LYPD2: variants seen among roughly 807,000 people sequenced by gnomAD.
LYPD2 encodes the protein LY6/PLAUR domain containing 2.
Under a neutral mutation model 7.1 loss-of-function variants are expected in LYPD2, and 5 were observed. The observed-to-expected ratio is 0.70, with a 90% CI of 0.37 to 1.48. The LOEUF is 1.48. Ranked by LOEUF, LYPD2 falls within the 40% of genes most tolerant of loss-of-function variation. The pLI, the probability that LYPD2 is intolerant of heterozygous loss-of-function variation, is 0.03. For synonymous variants in LYPD2, 78 were observed against 82.0 expected (o/e 0.95, Z 0.26); for missense variants, 177 against 171.0 (o/e 1.04, Z -0.20).
chr8:142,750,182 G>T lies in LYPD2; in HGVS notation c.*101C>A. 2.0e-6 allele frequency: 2 copies of T among 1,012,794 alleles called. No individual in the cohort carries two copies. Among genetic ancestry groups the T allele is most frequent in the Non-Finnish European group, 1.5e-6 (1 of 680,518 alleles). The allele number at this position is 1,012,794 out of a possible 1,614,324, so 62.7% of individuals were successfully genotyped here. ...CGAGGTCAGAGATGCAGCAGGGCAG[G>T]TCTGTGCCCAGAAAGGAGACTCAGG... On this transcript the variant is annotated 3_prime_UTR_variant, in exon 3 of 3. Coordinates refer to ENST00000359228, the MANE Select transcript of LYPD2 (RefSeq NM_205545.3).
chr8:142,751,243 C>T, intron 1 of LYPD2, 73 bp from the exon 2 acceptor site: 1 of 1,585,596 alleles, frequency 6.3e-7, no homozygotes, highest in Non-Finnish European at 8.6e-7. Context: ...GTCCTGGAAG[C>T]CCAGGTCTGA....
At position 142,750,335 on chromosome 8, in the gene LYPD2, C is replaced by G; in HGVS notation, c.326G>C (p.Ser109Thr). The change falls in exon 3 of 3, where the codon AGC becomes ACC. Residue 109 changes from serine to threonine, a missense_variant. By Grantham distance (58) the Ser-to-Thr change is moderately conservative (BLOSUM62 1). Transcript: ENST00000359228. ...CNVDGAPALN[S>T]LHCGALTLLP... is the part of the protein sequence containing the mutation. ...GAGCGTGAGGGCCCCGCAGTGGAGG[C>G]TGTTCAGAGCGGGCGCCCCGTCTAC... The G allele has an allele frequency of 1.3e-6, 2 of 1,556,284 alleles. No individual in the cohort carries two copies. The highest frequency in any genetic ancestry group is 8.7e-7 in the Non-Finnish European group (1 of 1,149,910).
Position 142,750,323 on chromosome 8 carries a change from C to T in LYPD2, c.338G>A (p.Gly113Glu), listed in dbSNP as rs1450263737. The T allele has an allele frequency of 1.3e-6, 2 of 1,554,522 alleles. No homozygotes were observed. Among genetic ancestry groups the T allele is most frequent in the Non-Finnish European group, 1.7e-6 (2 of 1,149,020 alleles). Residue 113 changes from glycine to glutamate, a missense_variant, in exon 3 of 3, where the codon GGG becomes GAG. Transcript: ENST00000359228. ...CAAGAGTGGGAGGAGCGTGAGGGCC[C>T]CGCAGTGGAGGCTGTTCAGAGCGGG... ...GAPALNSLHC[G>E]ALTLLPLLSL... is the part of the protein sequence containing the mutation.
intron 1 of LYPD2, 139 bp downstream of exon 1, chr8:142,752,255 G>A: frequency 2.3e-6 from 2 of 869,350 alleles, no homozygotes; most frequent in Non-Finnish European, 3.5e-6. Context: ...TATGGCGGGG[G>A]GGCCACACCC....
Position 142,752,395 on chromosome 8 carries a change from CA to C in LYPD2, c.56del (p.Leu19ArgfsTer41), listed in dbSNP as rs1428018485. 11 of 1,613,400 alleles carry C rather than the reference CA, an allele frequency of 6.8e-6. No individual in the cohort carries two copies. In the Admixed American group the frequency reaches 1.2e-4, roughly 17 times the overall value. Reference protein sequence around the residue: ...LALVLAACGELAPALRCYVCP... With the variant: ...LALVLAACGEXAPALRCYVCP... Reference sequence around the variant, plus strand: ...TCCCCTGTGGGTCCCACACCTCACCCAGCTCTCCGCAGGCAGCCAGCACCAG... The same window carrying C: ...TCCCCTGTGGGTCCCACACCTCACCCGCTCTCCGCAGGCAGCCAGCACCAG... On this transcript the variant is annotated frameshift_variant and splice_region_variant, in exon 1 of 3. Coordinates refer to ENST00000359228, the MANE Select transcript of LYPD2 (RefSeq NM_205545.3). LOFTEE classifies it high-confidence loss of function.
Position 142,750,355 on chromosome 8 carries a change from G to A in LYPD2, c.306C>T (p.Asp102=), listed in dbSNP as rs138954713. The change falls in exon 3 of 3, where the codon GAC becomes GAT. Residue 102 remains aspartate, a synonymous_variant. Coordinates refer to ENST00000359228, the MANE Select transcript of LYPD2 (RefSeq NM_205545.3). ...SCCNTELCNV[D]GAPALNSLHC... ...GGAGGCTGTTCAGAGCGGGCGCCCC[G>A]TCTACATTGCACAGCTCAGTATTGC... The A allele has an allele frequency of 1.0e-3, 1,627 of 1,561,298 alleles. 1 individual carries two copies. The highest frequency in any genetic ancestry group is 1.3e-3 in the Non-Finnish European group (1,528 of 1,152,724).
Position 142,750,281 on chromosome 8 carries a change from C to A in LYPD2, c.*2G>T, listed in dbSNP as rs1380964404. ...ATAGGGCCATGGGGGTGGGCGGGGA[C>A]TCTACAGTCGGAGGCTCAAGAGTGG... On this transcript the variant is annotated 3_prime_UTR_variant, in exon 3 of 3. Coordinates refer to ENST00000359228, the MANE Select transcript of LYPD2 (RefSeq NM_205545.3). The A allele has an allele frequency of 6.4e-7, 1 of 1,550,958 alleles. No individual in the cohort carries two copies. Among genetic ancestry groups the A allele is most frequent in the Admixed American group, 2.0e-5 (1 of 51,046 alleles).
intron 1 of LYPD2, among the ~76,000 whole-genome samples, chr8:142,751,854 C>T (rs1814720979): frequency 6.6e-6 from 1 of 152,176 alleles, no homozygotes; most frequent in African/African-American, 2.4e-5. Flanking sequence ...GGCCTCTGCC[C>T]CTCTCTGGTG....
At chr8:142,751,420 A>G (rs1408116294) in intron 1 of LYPD2, among the ~76,000 whole-genome samples, 1 of 152,116 alleles carries the variant, frequency 6.6e-6, no homozygotes, top group South Asian at 2.1e-4. Context: ...GCCTGGGAGG[A>G]GCCAAGCCAA....
intron 1 of LYPD2, among the ~76,000 whole-genome samples, chr8:142,751,914 C>A (rs1224417974): frequency 6.6e-6 from 1 of 152,124 alleles, no homozygotes; most frequent in African/African-American, 2.4e-5. Flanking sequence ...GCCTCTGGGC[C>A]AAGCTGCTTC....
chr8:142,752,279 T>A (rs1205859901), intron 1 of LYPD2, 115 bp downstream of exon 1: 5 of 1,153,598 alleles, frequency 4.3e-6, no homozygotes, highest in Non-Finnish European at 4.9e-6. Flanking sequence ...GCCCCACAGC[T>A]CTGGCTTCTC....
At chr8:142,750,706 G>A (rs2130036473) in intron 2 of LYPD2, among the ~76,000 whole-genome samples, 1 of 152,370 alleles carries the variant, frequency 6.6e-6, no homozygotes, top group African/African-American at 2.4e-5. Context: ...GCCCCGAGGT[G>A]ACTGTTGAAA....
At chr8:142,751,803 C>T (rs1034173549) in intron 1 of LYPD2, among the ~76,000 whole-genome samples, 2 of 152,188 alleles carry the variant, frequency 1.3e-5, no homozygotes, top group Non-Finnish European at 2.9e-5. Flanking sequence ...AGCTGCACAG[C>T]TAGGCCCGAC....
At position 142,750,273 on chromosome 8, in the gene LYPD2, G is replaced by A. The variant is rs1164453963; in HGVS notation, c.*10C>T. ...TGGGCCGCATAGGGCCATGGGGGTG[G>A]GCGGGGACTCTACAGTCGGAGGCTC... On this transcript the variant is annotated 3_prime_UTR_variant, in exon 3 of 3. Transcript: ENST00000359228. 1.9e-6 allele frequency: 3 copies of A among 1,549,878 alleles called. No homozygotes were observed. The highest frequency in any genetic ancestry group is 1.4e-5 in the African/African-American group (1 of 73,050).
At position 142,750,339 on chromosome 8, in the gene LYPD2, T is replaced by C. The variant is rs1305074796; in HGVS notation, c.322A>G (p.Asn108Asp). 4 of 1,556,704 alleles carry C rather than the reference T, an allele frequency of 2.6e-6. No individual in the cohort carries two copies. The highest frequency in any genetic ancestry group is 3.5e-6 in the Non-Finnish European group (4 of 1,150,264). Residue 108 changes from asparagine to aspartate, a missense_variant, in exon 3 of 3, where the codon AAC becomes GAC. Coordinates refer to ENST00000359228, the MANE Select transcript of LYPD2 (RefSeq NM_205545.3). ...GTGAGGGCCCCGCAGTGGAGGCTGTTCAGAGCGGGCGCCCCGTCTACATTG... is the reference window on the plus strand; with the variant it reads ...GTGAGGGCCCCGCAGTGGAGGCTGTCCAGAGCGGGCGCCCCGTCTACATTG... ...LCNVDGAPALNSLHCGALTLL... is the reference protein window; with the variant it reads ...LCNVDGAPALDSLHCGALTLL...
Position 142,752,485 on chromosome 8 carries a change from G to C in LYPD2, c.-34C>G, listed in dbSNP as rs1359821625. 2.5e-6 allele frequency: 4 copies of C among 1,610,786 alleles called. No homozygotes were observed. Among genetic ancestry groups the C allele is most frequent in the Non-Finnish European group, 3.4e-6 (4 of 1,178,082 alleles). On this transcript the variant is annotated 5_prime_UTR_variant, in exon 1 of 3. Transcript: ENST00000359228. ...CCCACTCCTCTGTGCTCTCACCCCA[G>C]GCTTGCCTGGCGGGGACAGCAGACA...
rs1439597853 is a variant in LYPD2, at chr8:142,750,450, T to C, written c.211A>G (p.Lys71Glu). The C allele has an allele frequency of 4.4e-6, 7 of 1,589,120 alleles. No individual in the cohort carries two copies. The highest frequency in any genetic ancestry group is 1.8e-5 in the Admixed American group (1 of 56,752). The change falls in exon 3 of 3, where the codon AAG becomes GAG. Residue 71 changes from lysine (K) to glutamate (E), a missense_variant. Physicochemically the swap from Lys to Glu is moderately conservative, Grantham distance 56 (BLOSUM62 1). Coordinates refer to ENST00000359228, the MANE Select transcript of LYPD2 (RefSeq NM_205545.3). The part of the protein sequence containing the change: ...YPFQGDSTVT[K>E]SCASKCKPSD... ...GGCTTACACTTGCTGGCACAGGACT[T>C]GGTCACCGTGGAGTCCCCCTGGAAG...
At chr8:142,750,573 T>C in intron 2 of LYPD2, 91 bp from the exon 3 acceptor site, 1 of 1,281,532 alleles carries the variant, frequency 7.8e-7, no homozygotes, top group Non-Finnish European at 1.1e-6. Flanking sequence ...GGCCCCACTC[T>C]GGGGTCACCC....
intron 1 of LYPD2, 110 bp downstream of exon 1, chr8:142,752,284 C>T: frequency 7.7e-7 from 1 of 1,290,804 alleles, no homozygotes; most frequent in Non-Finnish European, 1.1e-6. Flanking sequence ...ACAGCTCTGG[C>T]TTCTCCTGCC....
Sources: gnomAD v4.1 joint callset for allele counts (sites outside exome capture counted in the v4.1 genomes callset) on GRCh38, gnomAD v4.1.1 for gene constraint, MANE v1.5 for transcripts, NCBI Gene and HGNC (gene_info 2026-07-23, HGNC 2026-07-21) for gene names.